TNFAIP2: variants seen among roughly 807,000 people sequenced by gnomAD.
The protein encoded by TNFAIP2 is TNF alpha induced protein 2, also known as tumor necrosis factor alpha-induced protein 2.
In TNFAIP2, 47 loss-of-function variants were observed where a neutral mutation model predicts 63.5. The observed-to-expected ratio is 0.74, with a 90% CI of 0.59 to 0.94. TNFAIP2 has a LOEUF of 0.94. TNFAIP2 is among the 40% of genes least tolerant of loss of function. TNFAIP2 has a pLI of 0.00. For synonymous variants in TNFAIP2, 405 were observed against 390.2 expected (o/e 1.04, Z -0.45); for missense variants, 787 against 850.2 (o/e 0.93, Z 0.92).
At chr14:103,124,353 G>T (rs1012337864) in intron 1 of TNFAIP2, 1 of 152,352 alleles carries the variant, frequency 6.6e-6, no homozygotes, top group Non-Finnish European at 1.5e-5. Context: ...CACCGAAAGC[G>T]TTTCTCTTTC....
rs2087930792 is a variant in TNFAIP2 at position 103,129,730 on chromosome 14, C to T, written c.861-10C>T. 1 of 1,612,692 alleles carries T rather than the reference C, an allele frequency of 6.2e-7. No individual in the cohort carries two copies. The highest frequency in any genetic ancestry group is 8.5e-7 in the Non-Finnish European group (1 of 1,178,878). ...ATAGTTGTCCTCATGCCAGCCTCCC[C>T]TGCCTGCAGTGACATCATCAACAGC... On this transcript the variant is annotated splice_polypyrimidine_tract_variant and intron_variant, in intron 3 of 11. Coordinates refer to ENST00000560869, the MANE Select transcript of TNFAIP2 (RefSeq NM_006291.4).
chr14:103,135,251 A>C lies in TNFAIP2; in HGVS notation c.1856A>C (p.Lys619Thr), dbSNP rs1432960967. The C allele has an allele frequency of 6.2e-7, 1 of 1,613,994 alleles. No homozygotes were observed. The highest frequency in any genetic ancestry group is 8.5e-7 in the Non-Finnish European group (1 of 1,179,994). Residue 619 changes from lysine to threonine, a missense_variant, in exon 12 of 12, where the codon AAG (lysine) becomes ACG (threonine). Lys to Thr is a moderately conservative substitution (Grantham distance 78). Transcript: ENST00000560869. This position sits in a 1 kb window ranked among gnomAD's most constrained non-coding sequence, Gnocchi z 7.6. ...KGHLSAILAIKGNLSNSEVKR... is the reference protein window; with the variant it reads ...KGHLSAILAITGNLSNSEVKR... ...CACCTGAGCGCTATCCTGGCCATCA[A>C]GGGGAACCTATCCAACAGTGAGGTC...
rs547899945 is a variant in TNFAIP2, at chr14:103,135,890, C to T, written c.*530C>T. On this transcript the variant is annotated 3_prime_UTR_variant, in exon 12 of 12. Coordinates refer to ENST00000560869, the MANE Select transcript of TNFAIP2 (RefSeq NM_006291.4). This position sits in a 1 kb window ranked among gnomAD's most constrained non-coding sequence, Gnocchi z 7.6. ...GAGAAAGAAGGAAAAGATGAGCTCTCGTCTGGCAGGGGCTTTTAGGGTCCT... is the reference window on the plus strand; with the variant it reads ...GAGAAAGAAGGAAAAGATGAGCTCTTGTCTGGCAGGGGCTTTTAGGGTCCT... 15 of 1,290,030 alleles carry T rather than the reference C, an allele frequency of 1.2e-5. No homozygotes were observed. Among genetic ancestry groups the T allele is most frequent in the African/African-American group, 3.0e-5 (2 of 66,040 alleles). 79.9% of individuals were successfully genotyped at this position (1,290,030 alleles called of 1,614,324 possible). A position where few individuals can be genotyped will look rare whatever the true frequency, so the allele number is the denominator to read the frequency against.
In TNFAIP2 at chr14:103,136,966, C is replaced by T. The variant is rs1395453164; in HGVS notation, c.*1606C>T. On this transcript the variant is annotated 3_prime_UTR_variant, in exon 12 of 12. Transcript: ENST00000560869. ...CTAACATAGTCACAGGCTCTGGGGA[C>T]TGTCACGTGGACATCTTTGGGAGGC... 1 of 152,270 alleles carries T rather than the reference C, an allele frequency of 6.6e-6. No individual in the cohort carries two copies. Among genetic ancestry groups the T allele is most frequent in the Non-Finnish European group, 1.5e-5 (1 of 68,062 alleles). 9.4% of individuals were successfully genotyped at this position (152,270 alleles called of 1,614,324 possible). A position where few individuals can be genotyped will look rare whatever the true frequency, so the allele number is the denominator to read the frequency against.
At chr14:103,123,183 C>A (rs935982301), upstream of TNFAIP2, among the ~76,000 whole-genome samples, 1 of 152,082 alleles carries the variant, frequency 6.6e-6, no homozygotes, top group Middle Eastern at 3.4e-3. Flanking sequence ...ACAACCCCGT[C>A]GTCCCCGTGC....
At position 103,127,394 on chromosome 14, in the gene TNFAIP2, G is replaced by GGC; in HGVS notation, c.628_629dup (p.Glu211ProfsTer15). ...GCGCATGGGCCAGCGGCCGGCCGCGGGCGCCGAGGTCCCCGAGAGCGTCTT... is the reference window on the plus strand; with the variant it reads ...GCGCATGGGCCAGCGGCCGGCCGCGGGCGCGCCGAGGTCCCCGAGAGCGTCTT... On this transcript the variant is annotated frameshift_variant, in exon 3 of 12. Transcript: ENST00000560869. LOFTEE classifies it high-confidence loss of function. The surrounding 1 kb of genome is among the most constrained non-coding windows in gnomAD (Gnocchi z 5.1). 5 of 1,540,384 alleles carry GGC rather than the reference G, an allele frequency of 3.2e-6. No individual in the cohort carries two copies. Among genetic ancestry groups the GGC allele is most frequent in the Non-Finnish European group, 4.3e-6 (5 of 1,149,914 alleles).
In TNFAIP2 at chr14:103,136,290, C is replaced by A. The variant is rs1293625256; in HGVS notation, c.*930C>A. On this transcript the variant is annotated 3_prime_UTR_variant, in exon 12 of 12. Transcript: ENST00000560869. ...CAAACTTCGTGGATCAAAACGAGGTCTTCCAGTTCTGCGGGTCAGAAGGCT... is the reference window on the plus strand; with the variant it reads ...CAAACTTCGTGGATCAAAACGAGGTATTCCAGTTCTGCGGGTCAGAAGGCT... 4 of 200,460 alleles carry A rather than the reference C, an allele frequency of 2.0e-5. No homozygotes were observed. Among genetic ancestry groups the A allele is most frequent in the Non-Finnish European group, 3.1e-5 (3 of 95,954 alleles). The allele number at this position is 200,460 out of a possible 1,614,324, so 12.4% of individuals were successfully genotyped here. A position where few individuals can be genotyped will look rare whatever the true frequency, so the allele number is the denominator to read the frequency against.
rs1383206592 is a variant in TNFAIP2, at chr14:103,127,005, T to C, written c.236T>C (p.Val79Ala). The C allele has an allele frequency of 1.7e-6, 2 of 1,204,142 alleles. No individual in the cohort carries two copies. The highest frequency in any genetic ancestry group is 1.0e-6 in the Non-Finnish European group (1 of 968,054). The allele number at this position is 1,204,142 out of a possible 1,614,324, so 74.6% of individuals were successfully genotyped here. A position where few individuals can be genotyped will look rare whatever the true frequency, so the allele number is the denominator to read the frequency against. ...RQGLDGPPPTVEELKAALERG... is the reference protein window; with the variant it reads ...RQGLDGPPPTAEELKAALERG... Reference sequence around the variant, plus strand: ...GGCTGACGCGGCTTTCCCGGCGCAGTGGAGGAGCTGAAGGCGGCGCTGGAG... The same window carrying C: ...GGCTGACGCGGCTTTCCCGGCGCAGCGGAGGAGCTGAAGGCGGCGCTGGAG... The change falls in exon 3 of 12, where the codon GTG becomes GCG. Residue 79 changes from valine (V) to alanine (A), a missense_variant and splice_region_variant. Physicochemically the swap from Val to Ala is moderately conservative, Grantham distance 64 (BLOSUM62 0). This residue lies in a region of TNFAIP2 where 258 missense variants were observed against 228.9 expected (regional missense o/e 1.13). Transcript: ENST00000560869. This position sits in a 1 kb window ranked among gnomAD's most constrained non-coding sequence, Gnocchi z 5.1.
rs867896398 is a variant in TNFAIP2 at position 103,127,395 on chromosome 14, G to A, written c.626G>A (p.Gly209Asp). 19 of 1,541,832 alleles carry A rather than the reference G, an allele frequency of 1.2e-5. No homozygotes were observed. The highest frequency in any genetic ancestry group is 1.7e-4 in the Middle Eastern group (1 of 5,844). ...EERMGQRPAA[G>D]AEVPESVFLH... is the part of the protein sequence containing the mutation. ...CGCATGGGCCAGCGGCCGGCCGCGG[G>A]CGCCGAGGTCCCCGAGAGCGTCTTT... The change falls in exon 3 of 12, where the codon GGC becomes GAC. Residue 209 changes from glycine to aspartate, a missense_variant. This residue lies in a region of TNFAIP2 where 523 missense variants were observed against 604.1 expected (regional missense o/e 0.87). Coordinates refer to ENST00000560869, the MANE Select transcript of TNFAIP2 (RefSeq NM_006291.4). The surrounding 1 kb of genome is among the most constrained non-coding windows in gnomAD (Gnocchi z 5.1).
upstream of TNFAIP2, chr14:103,123,089 G>C (rs559175783): frequency 1.2e-5 from 3 of 258,648 alleles, no homozygotes; most frequent in Non-Finnish European, 2.4e-5. Context: ...AGCTGGAGCC[G>C]GTGTGTGACG....
At position 103,133,715 on chromosome 14, in the gene TNFAIP2, C is replaced by T; in HGVS notation, c.1735C>T (p.Pro579Ser). 6.3e-7 allele frequency: 1 copy of T among 1,593,916 alleles called. No individual in the cohort carries two copies. ...SPATWLQPAL[P>S]TLAEIIRLQD... ...GGCGACCTGGCTGCAGCCTGCTCTCCCTACGCTGGCCGAGATCATTCGCCT... is the reference window on the plus strand; with the variant it reads ...GGCGACCTGGCTGCAGCCTGCTCTCTCTACGCTGGCCGAGATCATTCGCCT... Residue 579 changes from proline to serine, a missense_variant, in exon 11 of 12, where the codon CCT (proline) becomes TCT (serine). By Grantham distance (74) the Pro-to-Ser change is moderately conservative (BLOSUM62 -1). This residue lies in a region of TNFAIP2 where 523 missense variants were observed against 604.1 expected (regional missense o/e 0.87). Coordinates refer to ENST00000560869, the MANE Select transcript of TNFAIP2 (RefSeq NM_006291.4).
chr14:103,130,424 G>A lies in TNFAIP2; in HGVS notation c.1199+9G>A. ...CCTGCGTTCCTGAGGAGGTGGGTGT[G>A]TGCCCAGGATGGGGTCCCTGTAGCC... On this transcript the variant is annotated intron_variant, in intron 6 of 11. Coordinates refer to ENST00000560869, the MANE Select transcript of TNFAIP2 (RefSeq NM_006291.4). 2 of 1,554,980 alleles carry A rather than the reference G, an allele frequency of 1.3e-6. No homozygotes were observed. The highest frequency in any genetic ancestry group is 8.7e-7 in the Non-Finnish European group (1 of 1,149,426).
At chr14:103,125,493 G>A (rs1327267969) in intron 1 of TNFAIP2, among the ~76,000 whole-genome samples, 1 of 152,228 alleles carries the variant, frequency 6.6e-6, no homozygotes, top group Non-Finnish European at 1.5e-5. Context: ...ATGAGAGAAA[G>A]GAAGAGATGG....
chr14:103,127,095 C>T lies in TNFAIP2; in HGVS notation c.326C>T (p.Ala109Val), dbSNP rs2087871885. ...ALERELAAAAAAGGVSEEELV... is the reference protein window; with the variant it reads ...ALERELAAAAVAGGVSEEELV... Reference sequence around the variant, plus strand: ...GAGCGGGAGCTGGCGGCGGCGGCGGCGGCGGGCGGTGTGAGCGAGGAGGAG... The same window carrying T: ...GAGCGGGAGCTGGCGGCGGCGGCGGTGGCGGGCGGTGTGAGCGAGGAGGAG... The change falls in exon 3 of 12, where the codon GCG (alanine) becomes GTG (valine). Residue 109 changes from alanine (A) to valine (V), a missense_variant. Physicochemically the swap from Ala to Val is moderately conservative, Grantham distance 64 (BLOSUM62 0). Coordinates refer to ENST00000560869, the MANE Select transcript of TNFAIP2 (RefSeq NM_006291.4). The surrounding 1 kb of genome is among the most constrained non-coding windows in gnomAD (Gnocchi z 5.1). 3 of 1,103,298 alleles carry T rather than the reference C, an allele frequency of 2.7e-6. No individual in the cohort carries two copies. Among genetic ancestry groups the T allele is most frequent in the South Asian group, 7.5e-5 (2 of 26,550 alleles). The allele number at this position is 1,103,298 out of a possible 1,614,324, so 68.3% of individuals were successfully genotyped here. A position where few individuals can be genotyped will look rare whatever the true frequency, so the allele number is the denominator to read the frequency against.
chr14:103,131,981 T>C lies in TNFAIP2; in HGVS notation c.1422+219T>C, dbSNP rs2087985233. Among the ~76,000 whole-genome samples the C allele has an allele frequency of 6.6e-6, 1 of 151,078 alleles. No individual in the cohort carries two copies. The highest frequency in any genetic ancestry group is 1.5e-5 in the Non-Finnish European group (1 of 67,766). ...GCCGATCATGTCCTGGGGTTTCACC[T>C]GAGAGGGGCCGCCTGGGGCTGGGAG... On this transcript the variant is annotated intron_variant, in intron 8 of 11. Coordinates refer to ENST00000560869, the MANE Select transcript of TNFAIP2 (RefSeq NM_006291.4). This position sits in a 1 kb window ranked among gnomAD's most constrained non-coding sequence, Gnocchi z 4.0.
At position 103,133,480 on chromosome 14, in the gene TNFAIP2, C is replaced by G; in HGVS notation, c.1664C>G (p.Ala555Gly). 2 of 1,613,918 alleles carry G rather than the reference C, an allele frequency of 1.2e-6. No individual in the cohort carries two copies. Among genetic ancestry groups the G allele is most frequent in the Non-Finnish European group, 1.7e-6 (2 of 1,180,026 alleles). ...CAGCAGCTGGCTGGGTACATCCTGG[C>G]CAATGCTGACACCATCCAGCACTTC... is the stretch of plus-strand genomic sequence containing the variant. ...QQQQLAGYIL[A>G]NADTIQHFCT... Residue 555 changes from alanine to glycine, a missense_variant, in exon 10 of 12, where the codon GCC becomes GGC. This residue lies in a region of TNFAIP2 where 523 missense variants were observed against 604.1 expected (regional missense o/e 0.87). Transcript: ENST00000560869.
upstream of TNFAIP2, among the ~76,000 whole-genome samples, chr14:103,122,083 G>A (rs1237252076): frequency 6.6e-6 from 1 of 152,186 alleles, no homozygotes; most frequent in African/African-American, 2.4e-5. Flanking sequence ...CCGCGGCTCT[G>A]TGGACTCATC....
rs1219237980 is a variant in TNFAIP2, at chr14:103,135,779, G to T, written c.*419G>T. ...CCCTCTTCAGCTCTCTGGAGACAGG[G>T]GCCGAGCCTCACCCATCTGCCCTCT... is the stretch of plus-strand genomic sequence containing the variant. On this transcript the variant is annotated 3_prime_UTR_variant, in exon 12 of 12. Coordinates refer to ENST00000560869, the MANE Select transcript of TNFAIP2 (RefSeq NM_006291.4). This position sits in a 1 kb window ranked among gnomAD's most constrained non-coding sequence, Gnocchi z 7.6. The T allele has an allele frequency of 7.7e-7, 1 of 1,291,894 alleles. No individual in the cohort carries two copies. The highest frequency in any genetic ancestry group is 1.0e-6 in the Non-Finnish European group (1 of 991,646). The allele number at this position is 1,291,894 out of a possible 1,614,324, so 80.0% of individuals were successfully genotyped here. A position where few individuals can be genotyped will look rare whatever the true frequency, so the allele number is the denominator to read the frequency against.
At chr14:103,132,643 C>T (rs1268243421) in intron 8 of TNFAIP2, 107 bp from the exon 9 acceptor site, 32 of 1,497,908 alleles carry the variant, frequency 2.1e-5, no homozygotes, top group Non-Finnish European at 2.7e-5. Flanking sequence ...CGCCCCTCCA[C>T]CAGGCACATG....
Sources: gnomAD v4.1 joint callset for allele counts (sites outside exome capture counted in the v4.1 genomes callset) on GRCh38, gnomAD v4.1.1 for gene constraint, gnomAD v4.1.1 regional missense constraint, Gnocchi (gnomAD v3.1) non-coding constraint, MANE v1.5 for transcripts, NCBI Gene and HGNC (gene_info 2026-07-23, HGNC 2026-07-21) for gene names.